The following SIM2 variants were observed in gnomAD, a reference collection of about 807,000 sequenced individuals.
SIM2 encodes the protein single-minded homolog 2.
In SIM2, 28 loss-of-function variants were observed where a neutral mutation model predicts 64.8. That is an observed-to-expected ratio of 0.43 (90% CI 0.32 to 0.59). The LOEUF (loss-of-function observed/expected upper bound fraction) is 0.59. Ranked by LOEUF, SIM2 falls within the 20% of genes least tolerant of loss-of-function variation. The pLI, the probability that SIM2 is intolerant of heterozygous loss-of-function variation, is 0.07. For missense variants in SIM2, 847 were observed against 871.4 expected (o/e 0.97, Z 0.35); for synonymous variants, 408 against 391.1 (o/e 1.04, Z -0.51).
chr21:36,735,240 G>A (rs1318506648), intron 7 of SIM2, among the ~76,000 whole-genome samples: 1 of 152,150 alleles, frequency 6.6e-6, no homozygotes, highest in East Asian at 1.9e-4. Context: ...CCAAAGAAAG[G>A]CCTCAGTGGG....
chr21:36,731,076 G>A lies in SIM2; in HGVS notation c.775G>A (p.Asp259Asn), dbSNP rs2088961277. The part of the protein sequence containing the change: ...VTEVTGYEPQ[D>N]LIEKTLYHHV... ...CGAGGTGACGGGGTACGAGCCGCAG[G>A]ACCTGATCGAGAAGACCCTATACCA... is the stretch of plus-strand genomic sequence containing the variant. The change falls in exon 7 of 11, where the codon GAC (aspartate) becomes AAC (asparagine). Residue 259 changes from aspartate to asparagine, a missense_variant. Around this residue, in one of 3 missense-constraint regions of SIM2, gnomAD observed 397 missense variants for 439.2 expected, o/e 0.90. Coordinates refer to ENST00000290399, the MANE Select transcript of SIM2 (RefSeq NM_005069.6). 1.2e-6 allele frequency: 2 copies of A among 1,614,100 alleles called. No individual in the cohort carries two copies. The highest frequency in any genetic ancestry group is 1.7e-6 in the Non-Finnish European group (2 of 1,180,010).
Position 36,734,137 on chromosome 21 carries a change from C to T in SIM2, c.850+2986C>T, listed in dbSNP as rs543825473. Among the ~76,000 whole-genome samples the T allele has an allele frequency of 1.7e-4, 26 of 152,322 alleles. No individual in the cohort carries two copies. In the East Asian group the frequency reaches 4.5e-3, roughly 26 times the overall value. ...GCTGTCAGCCGTCACCACCACACCA[C>T]ACCACACCACGGGGCTTAACCTTGG... On this transcript the variant is annotated intron_variant, in intron 7 of 10. Transcript: ENST00000290399.
At chr21:36,743,278 A>G in intron 8 of SIM2, 109 bp from the exon 9 acceptor site, 6 of 929,062 alleles carry the variant, frequency 6.5e-6, no homozygotes, top group Non-Finnish European at 9.9e-6. Flanking sequence ...AATCCCAGTG[A>G]AAAGACACAC....
intron 1 of SIM2, among the ~76,000 whole-genome samples, chr21:36,708,279 G>A (rs1011047031): frequency 6.6e-6 from 1 of 152,246 alleles, no homozygotes; most frequent in Non-Finnish European, 1.5e-5. Context: ...GACTGTGCAG[G>A]GGAAGCCTGG....
chr21:36,711,247 CTCTT>C (rs1156532105), intron 2 of SIM2, among the ~76,000 whole-genome samples: 1 of 152,162 alleles, frequency 6.6e-6, no homozygotes, highest in East Asian at 1.9e-4. Flanking sequence ...CTAAATGTGT[CTCTT>C]TAATGATTTT....
In SIM2 at chr21:36,747,598, G is replaced by T. The variant is rs2089245788; in HGVS notation, c.1577-67G>T. 8.9e-7 allele frequency: 1 copy of T among 1,127,432 alleles called. No individual in the cohort carries two copies. The highest frequency in any genetic ancestry group is 1.1e-6 in the Non-Finnish European group (1 of 911,084). The allele number at this position is 1,127,432 out of a possible 1,614,324, so 69.8% of individuals were successfully genotyped here. A position where few individuals can be genotyped will look rare whatever the true frequency, so the allele number is the denominator to read the frequency against. Reference sequence around the variant, plus strand: ...GCCGAGGGGTGGTGGCTGCGCCCGGGGCTTGGGGGTGGGGTGGCTGCGGCC... The same window carrying T: ...GCCGAGGGGTGGTGGCTGCGCCCGGTGCTTGGGGGTGGGGTGGCTGCGGCC... On this transcript the variant is annotated intron_variant, in intron 10 of 10. Coordinates refer to ENST00000290399, the MANE Select transcript of SIM2 (RefSeq NM_005069.6). The surrounding 1 kb of genome is among the most constrained non-coding windows in gnomAD (Gnocchi z 4.5).
chr21:36,706,253 C>T (rs2409840), intron 1 of SIM2, among the ~76,000 whole-genome samples: 83,749 of 151,988 alleles, frequency 0.55, 23,377 homozygotes, highest in Middle Eastern at 0.67. Context: ...GCTCCCTTTC[C>T]CTCCATTTCT....
chr21:36,724,117 G>A (rs1258265673), intron 5 of SIM2, among the ~76,000 whole-genome samples: 5 of 152,202 alleles, frequency 3.3e-5, no homozygotes, highest in Admixed American at 6.5e-5. Context: ...GGAAGGCCCC[G>A]CCCCAGCTCC....
chr21:36,702,780 G>A (rs564243248), intron 1 of SIM2, among the ~76,000 whole-genome samples: 1 of 152,080 alleles, frequency 6.6e-6, no homozygotes, highest in East Asian at 1.9e-4. Context: ...TTAGGGCCAG[G>A]GTGGTCCCGG....
Position 36,738,075 on chromosome 21 carries a change from T to C in SIM2, c.851-3642T>C, listed in dbSNP as rs903234398. Among the ~76,000 whole-genome samples the C allele has an allele frequency of 9.5e-4, 144 of 151,708 alleles. 1 individual carries two copies. The highest frequency in any genetic ancestry group is 3.4e-3 in the African/African-American group (139 of 41,400). Reference sequence around the variant, plus strand: ...TGAAGAGCTTAGCGAGCACTAGTCCTCTTGAAATCCGTGGATGGATCCTCA... The same window carrying C: ...TGAAGAGCTTAGCGAGCACTAGTCCCCTTGAAATCCGTGGATGGATCCTCA... On this transcript the variant is annotated intron_variant, in intron 7 of 10. Transcript: ENST00000290399.
Position 36,747,816 on chromosome 21 carries a change from G to T in SIM2, c.1728G>T (p.Ala576=), listed in dbSNP as rs1405070559. The change falls in exon 11 of 11, where the codon GCG becomes GCT. Residue 576 remains alanine (A), a synonymous_variant. Transcript: ENST00000290399. The surrounding 1 kb of genome is among the most constrained non-coding windows in gnomAD (Gnocchi z 4.5). ...GGGCGCGGCTGGCGCTGGCCCGCGCGGCACCCGAGTGCTGCGCGCCCCCGA... is the reference window on the plus strand; with the variant it reads ...GGGCGCGGCTGGCGCTGGCCCGCGCTGCACCCGAGTGCTGCGCGCCCCCGA... ...RDGARLALAR[A]APECCAPPTP... 3.9e-6 allele frequency: 4 copies of T among 1,028,724 alleles called. No homozygotes were observed. The highest frequency in any genetic ancestry group is 4.6e-6 in the Non-Finnish European group (4 of 862,042). 63.7% of individuals were successfully genotyped at this position (1,028,724 alleles called of 1,614,324 possible). A position where few individuals can be genotyped will look rare whatever the true frequency, so the allele number is the denominator to read the frequency against.
chr21:36,704,768 G>C (rs572393994), intron 1 of SIM2, among the ~76,000 whole-genome samples: 2 of 152,328 alleles, frequency 1.3e-5, no homozygotes, highest in South Asian at 4.1e-4. Flanking sequence ...GCGACAAGCC[G>C]GGCCAGGCTA....
At chr21:36,727,149 C>T (rs912983917) in intron 6 of SIM2, among the ~76,000 whole-genome samples, 7 of 152,288 alleles carry the variant, frequency 4.6e-5, no homozygotes, top group African/African-American at 1.7e-4. Context: ...GCGATTCTGC[C>T]TCAGCCTCCC....
intron 1 of SIM2, among the ~76,000 whole-genome samples, chr21:36,705,480 G>A (rs572374315): frequency 7.5e-4 from 115 of 152,332 alleles, no homozygotes; most frequent in African/African-American, 2.5e-3. Context: ...GGAAGGGGTG[G>A]GAAAGCCAGA....
chr21:36,709,081 G>T (rs372963752), intron 1 of SIM2, 87 bp from the exon 2 acceptor site: 2 of 1,155,352 alleles, frequency 1.7e-6, no homozygotes, highest in Non-Finnish European at 1.2e-6. Context: ...GGGCTGGCAG[G>T]GTGCAGGGGT....
intron 3 of SIM2, among the ~76,000 whole-genome samples, chr21:36,714,348 C>A (rs2088715857): frequency 1.3e-5 from 2 of 152,138 alleles, no homozygotes; most frequent in Admixed American, 1.3e-4. Context: ...TCACTGTTAT[C>A]AAATATTAAA....
At chr21:36,704,645 C>A (rs1461737427) in intron 1 of SIM2, among the ~76,000 whole-genome samples, 1 of 152,188 alleles carries the variant, frequency 6.6e-6, no homozygotes, top group Non-Finnish European at 1.5e-5. Context: ...GTGGGTGCCG[C>A]GCTCCTCGGA....
At position 36,699,998 on chromosome 21, in the gene SIM2, C is replaced by T. The variant is rs115696255; in HGVS notation, c.175+77C>T. 66 of 1,435,212 alleles carry T rather than the reference C, an allele frequency of 4.6e-5. No homozygotes were observed. The highest frequency in any genetic ancestry group is 8.2e-5 in the Admixed American group (3 of 36,560). 88.9% of individuals were successfully genotyped at this position (1,435,212 alleles called of 1,614,324 possible). On this transcript the variant is annotated intron_variant, in intron 1 of 10. Transcript: ENST00000290399. This position sits in a 1 kb window ranked among gnomAD's most constrained non-coding sequence, Gnocchi z 5.6. ...CCCAGGCGGGAAGCGCAAGCCAGCC[C>T]GCCCAGAGGGGTTGCCGCGGCCTGG...
intron 8 of SIM2, 76 bp from the exon 9 acceptor site, chr21:36,743,311 C>G (rs545900271): frequency 7.2e-7 from 1 of 1,387,204 alleles, no homozygotes; most frequent in Non-Finnish European, 9.9e-7. Flanking sequence ...AACGCCCTGC[C>G]CAAGGGCTGG....
Sources: gnomAD v4.1 joint callset for allele counts (sites outside exome capture counted in the v4.1 genomes callset) on GRCh38, gnomAD v4.1.1 for gene constraint, gnomAD v4.1.1 regional missense constraint, Gnocchi (gnomAD v3.1) non-coding constraint, MANE v1.5 for transcripts, NCBI Gene and HGNC (gene_info 2026-07-23, HGNC 2026-07-21) for gene names.